Variants in SPG11 observed in about 807,000 individuals in gnomAD.
SPG11 encodes the protein spatacsin.
Under a neutral mutation model 274.0 loss-of-function variants are expected in SPG11, and 222 were observed. The observed-to-expected ratio is 0.81, with a 90% CI of 0.73 to 0.91. The LOEUF is 0.91. Among genes scored for constraint, SPG11 ranks in the 40% least tolerant of loss-of-function variants. The pLI, the probability that SPG11 is intolerant of heterozygous loss-of-function variation, is 0.00. For missense variants in SPG11, 3,114 were observed against 2,872.7 expected (o/e 1.08, Z -1.92); for synonymous variants, 1,144 against 1,039.7 (o/e 1.10, Z -1.93).
chr15:44,656,143 G>A (rs2084934136), intron 4 of SPG11, among the ~76,000 whole-genome samples: 1 of 152,118 alleles, frequency 6.6e-6, no homozygotes, highest in African/African-American at 2.4e-5. Flanking sequence ...GATTAATGGA[G>A]GTTTGAGGAA....
intron 8 of SPG11, among the ~76,000 whole-genome samples, chr15:44,630,666 G>A (rs540489658): frequency 2.0e-5 from 3 of 152,086 alleles, no homozygotes; most frequent in Non-Finnish European, 4.4e-5. Flanking sequence ...TGCAACCTCC[G>A]CCTCCTCCCT....
chr15:44,624,444 T>C (rs779062333), intron 11 of SPG11, among the ~76,000 whole-genome samples: 1 of 152,146 alleles, frequency 6.6e-6, no homozygotes. Flanking sequence ...AAATTCTTCA[T>C]GCTCTCACTT....
In SPG11 at chr15:44,640,405, A is replaced by T. The variant is rs546142298; in HGVS notation, c.1603-6768T>A. Among the ~76,000 whole-genome samples the T allele has an allele frequency of 1.4e-3, 220 of 152,342 alleles. 1 individual carries two copies. Among genetic ancestry groups the T allele is most frequent in the African/African-American group, 5.1e-3 (213 of 41,578 alleles). Reference sequence around the variant, plus strand: ...AAAAGACAAGAAAGACTATGGATATAAAGATTAAATATCCTAAAGACGCCA... The same window carrying T: ...AAAAGACAAGAAAGACTATGGATATTAAGATTAAATATCCTAAAGACGCCA... On this transcript the variant is annotated intron_variant, in intron 7 of 39. Transcript: ENST00000261866.
intron 30 of SPG11, among the ~76,000 whole-genome samples, chr15:44,580,468 G>A (rs1309994929): frequency 6.6e-6 from 1 of 152,154 alleles, no homozygotes; most frequent in Non-Finnish European, 1.5e-5. Context: ...GAACAACAGA[G>A]AGAAAAAAAG....
At chr15:44,573,475 C>T (rs745337407) in intron 32 of SPG11, 72 bp downstream of exon 32, 15 of 1,532,242 alleles carry the variant, frequency 9.8e-6, no homozygotes, top group South Asian at 1.1e-5. Flanking sequence ...ATAAGCACAA[C>T]ATCCAAATCC....
chr15:44,605,466 T>A (rs1195827212), intron 20 of SPG11, among the ~76,000 whole-genome samples: 1 of 152,156 alleles, frequency 6.6e-6, no homozygotes, highest in Non-Finnish European at 1.5e-5. Flanking sequence ...CAACATGATA[T>A]TAAAGATAAA....
At chr15:44,623,041 AG>A (rs758064781) in intron 11 of SPG11, among the ~76,000 whole-genome samples, 3 of 152,076 alleles carry the variant, frequency 2.0e-5, no homozygotes, top group Non-Finnish European at 4.4e-5. Flanking sequence ...CTCGACCCCC[AG>A]GCTCAAAGCG....
chr15:44,621,799 T>G lies in SPG11; in HGVS notation c.2580A>C (p.Leu860=). 1.2e-6 allele frequency: 2 copies of G among 1,614,048 alleles called. No individual in the cohort carries two copies. The highest frequency in any genetic ancestry group is 1.7e-6 in the Non-Finnish European group (2 of 1,179,954). Residue 860 remains leucine (L), a synonymous_variant, in exon 14 of 40, where the codon CTA becomes CTC. Transcript: ENST00000261866. ...TGGGGAGAAGGATGGATTCTTGTGT[T>G]AGTTGATCCCACCACAGAGCCCAAT... ...VLNWALWWDQ[L]TQESILLPRI... is the part of the protein sequence containing the mutation.
intron 15 of SPG11, among the ~76,000 whole-genome samples, chr15:44,619,733 T>C (rs573820766): frequency 6.6e-6 from 1 of 151,670 alleles, no homozygotes; most frequent in South Asian, 2.1e-4. Context: ...TTTTTTTTTT[T>C]TTTTTTTGAG....
chr15:44,613,923 A>C (rs1386811303), intron 16 of SPG11, among the ~76,000 whole-genome samples: 1 of 152,182 alleles, frequency 6.6e-6, no homozygotes, highest in East Asian at 1.9e-4. Context: ...GTGCACCTGT[A>C]GTTCCAGTTA....
At chr15:44,601,451 A>C (rs532297176) in intron 20 of SPG11, among the ~76,000 whole-genome samples, 1 of 151,786 alleles carries the variant, frequency 6.6e-6, no homozygotes, top group East Asian at 1.9e-4. Flanking sequence ...GGTAGAGATG[A>C]GATTTCACCA....
At chr15:44,641,985 G>C (rs548650621) in intron 7 of SPG11, among the ~76,000 whole-genome samples, 1 of 150,280 alleles carries the variant, frequency 6.7e-6, no homozygotes, top group Non-Finnish European at 1.5e-5. Flanking sequence ...TTATACAGTG[G>C]GATACGATAC....
intron 17 of SPG11, 26 bp downstream of exon 17, chr15:44,613,404 C>A: frequency 6.8e-7 from 1 of 1,463,000 alleles, no homozygotes; most frequent in Non-Finnish European, 9.6e-7. Context: ...AAGCAAGTTT[C>A]TGTGTTTAAT....
At chr15:44,597,566 C>T (rs1311872559) in intron 23 of SPG11, among the ~76,000 whole-genome samples, 1 of 152,200 alleles carries the variant, frequency 6.6e-6, no homozygotes, top group African/African-American at 2.4e-5. Flanking sequence ...AAGAAACTTT[C>T]TGAGCACTTA....
At chr15:44,572,980 C>CGTTT (rs1256111244) in intron 32 of SPG11, among the ~76,000 whole-genome samples, 160 bp from the exon 33 acceptor site, 13 of 83,296 alleles carry the variant, frequency 1.6e-4, no homozygotes, top group African/African-American at 6.1e-4. Context: ...GACAGGAGTT[C>CGTTT]TTTTTTTTTT....
Position 44,584,026 on chromosome 15 carries a change from A to G in SPG11, c.5654T>C (p.Leu1885Pro). ...TTCATGCACACAGCCATCATCCAGT[A>G]GGCGCCCAATCAAAAAGTTTAGTGA... The part of the protein sequence containing the change: ...QESLNFLIGR[L>P]LDDGCVHEAS... Residue 1885 changes from leucine to proline, a missense_variant, in exon 30 of 40, where the codon CTA (leucine) becomes CCA (proline). Physicochemically the swap from Leu to Pro is moderately conservative, Grantham distance 98. Coordinates refer to ENST00000261866, the MANE Select transcript of SPG11 (RefSeq NM_025137.4). 1 of 1,614,218 alleles carries G rather than the reference A, an allele frequency of 6.2e-7. No individual in the cohort carries two copies. The highest frequency in any genetic ancestry group is 8.5e-7 in the Non-Finnish European group (1 of 1,180,026).
In SPG11 at chr15:44,663,372, A is replaced by G; in HGVS notation, c.257+19T>C. 2 of 1,603,450 alleles carry G rather than the reference A, an allele frequency of 1.2e-6. No homozygotes were observed. Among genetic ancestry groups the G allele is most frequent in the East Asian group, 2.3e-5 (1 of 44,142 alleles). On this transcript the variant is annotated intron_variant, in intron 1 of 39. Transcript: ENST00000261866. Reference sequence around the variant, plus strand: ...GGCTCTGGACTCCCCCAACGGCCCAACTCTCCCTCAGCACTTACTGCCAGA... The same window carrying G: ...GGCTCTGGACTCCCCCAACGGCCCAGCTCTCCCTCAGCACTTACTGCCAGA...
chr15:44,628,143 T>C, intron 10 of SPG11, among the ~76,000 whole-genome samples: 1 of 152,222 alleles, frequency 6.6e-6, no homozygotes, highest in Non-Finnish European at 1.5e-5. Context: ...TAGTAAATTT[T>C]AGTTGTATTA....
At chr15:44,563,597 C>G (rs1198648878) in intron 39 of SPG11, among the ~76,000 whole-genome samples, 3 of 152,014 alleles carry the variant, frequency 2.0e-5, no homozygotes, top group Admixed American at 6.6e-5. Flanking sequence ...CTTGGCCTCC[C>G]AAAGTGCTGG....
Sources: gnomAD v4.1 joint callset for allele counts (sites outside exome capture counted in the v4.1 genomes callset) on GRCh38, gnomAD v4.1.1 for gene constraint, MANE v1.5 for transcripts, NCBI Gene and HGNC (gene_info 2026-07-23, HGNC 2026-07-21) for gene names.